LRP1B: variants seen among roughly 807,000 people sequenced by gnomAD.
LRP1B encodes LDL receptor related protein 1B.
LRP1B carries 217 observed loss-of-function variants against 556.6 expected under a neutral mutation model. The ratio of observed to expected loss-of-function variants is 0.39; its 90% CI spans 0.35 to 0.44. The LOEUF (loss-of-function observed/expected upper bound fraction) is 0.44, where lower values mean the gene tolerates loss of function less well. Ranked by LOEUF, LRP1B falls within the 20% of genes least tolerant of loss-of-function variation. LRP1B has a pLI of 1.00. For missense variants in LRP1B, 5,053 were observed against 5,620.8 expected, an observed-to-expected ratio of 0.90 and a Z score of 3.23; for synonymous variants, 2,047 against 1,865.8, an observed-to-expected ratio of 1.10 and a Z score of -2.50.
intron 31 of LRP1B, among the ~76,000 whole-genome samples, chr2:140,821,685 A>C (rs1332578617): frequency 6.6e-6 from 1 of 152,236 alleles, no homozygotes; most frequent in Non-Finnish European, 1.5e-5. Flanking sequence ...GTAGATTTCA[A>C]GAAGATGTAC....
chr2:140,951,852 G>GT lies in LRP1B; in HGVS notation c.2968+7dup. The GT allele has an allele frequency of 6.2e-7, 1 of 1,609,494 alleles. No homozygotes were observed. The highest frequency in any genetic ancestry group is 1.1e-5 in the South Asian group (1 of 90,988). ...ATTAGTGCTATACAGTGAGCATTTG[G>GT]TACTTGCCAGAGTCGCAGTGCCATT... is the stretch of plus-strand genomic sequence containing the variant. On this transcript the variant is annotated splice_region_variant and intron_variant, in intron 19 of 90. Transcript: ENST00000389484.
At chr2:140,662,168 C>A (rs539323408) in intron 41 of LRP1B, among the ~76,000 whole-genome samples, 4 of 151,688 alleles carry the variant, frequency 2.6e-5, no homozygotes, top group Non-Finnish European at 1.5e-5. Context: ...TATATTACTA[C>A]ATATATATAT....
chr2:140,809,124 CAGA>C (rs1690828456), intron 32 of LRP1B, among the ~76,000 whole-genome samples: 1 of 152,006 alleles, frequency 6.6e-6, no homozygotes, highest in Non-Finnish European at 1.5e-5. Flanking sequence ...GAAGCAACAA[CAGA>C]AGGTTATTGT....
chr2:141,784,845 T>C (rs10188711), intron 2 of LRP1B, among the ~76,000 whole-genome samples: 20,125 of 152,010 alleles, frequency 0.13, 1,457 homozygotes, highest in Non-Finnish European at 0.16. Flanking sequence ...AGTCAATGTT[T>C]TCTTAATTCT....
intron 3 of LRP1B, among the ~76,000 whole-genome samples, chr2:141,405,093 C>CA (rs1455680657): frequency 1.3e-5 from 2 of 150,606 alleles, no homozygotes; most frequent in Non-Finnish European, 3.0e-5. Context: ...GACTCCGTCT[C>CA]AAAAAAACAA....
intron 2 of LRP1B, among the ~76,000 whole-genome samples, chr2:141,726,906 A>C (rs901430798): frequency 2.0e-5 from 3 of 152,150 alleles, no homozygotes; most frequent in Admixed American, 6.6e-5. Context: ...AAGGATGAGC[A>C]GGTATTTGGT....
chr2:141,316,046 T>C (rs1687025480), intron 3 of LRP1B, among the ~76,000 whole-genome samples: 2 of 151,950 alleles, frequency 1.3e-5, no homozygotes, highest in African/African-American at 4.8e-5. Flanking sequence ...TATTCTACCA[T>C]TTTTGTTTCT....
intron 1 of LRP1B, among the ~76,000 whole-genome samples, chr2:142,085,592 TTA>T (rs1427745848): frequency 1.3e-5 from 2 of 152,320 alleles, no homozygotes; most frequent in African/African-American, 4.8e-5. Context: ...ATTTCCATTA[TTA>T]TATCTTATTA....
At chr2:140,643,032 A>C (rs1684358603) in intron 41 of LRP1B, among the ~76,000 whole-genome samples, 1 of 151,476 alleles carries the variant, frequency 6.6e-6, no homozygotes. Context: ...CATGTGTTTT[A>C]TATGATGTAA....
In LRP1B at chr2:141,301,430, A is replaced by T. The variant is rs80249751; in HGVS notation, c.344-46789T>A. ...ATAATGTCAATATATTCTATTGTTTAGTGTGGAAAACTAGCCTTAGCCTCC... is the reference window on the plus strand; with the variant it reads ...ATAATGTCAATATATTCTATTGTTTTGTGTGGAAAACTAGCCTTAGCCTCC... On this transcript the variant is annotated intron_variant, in intron 3 of 90. Transcript: ENST00000389484. Among the ~76,000 whole-genome samples the T allele has an allele frequency of 9.2e-3, 1,406 of 152,296 alleles. 16 individuals carry two copies. The highest frequency in any genetic ancestry group is 0.039 in the East Asian group (200 of 5,176).
chr2:140,988,846 AT>A (rs942811414), intron 17 of LRP1B, among the ~76,000 whole-genome samples: 11 of 152,018 alleles, frequency 7.2e-5, no homozygotes, highest in East Asian at 5.8e-4. Flanking sequence ...CAAATGAACT[AT>A]TTTTTTCTTT....
intron 2 of LRP1B, among the ~76,000 whole-genome samples, chr2:141,620,541 G>C (rs561615848): frequency 1.1e-3 from 171 of 152,306 alleles, no homozygotes; most frequent in Non-Finnish European, 2.2e-3. Flanking sequence ...TTGGATATGA[G>C]AAGGAAATGA....
chr2:140,325,371 T>C (rs1388303119), intron 80 of LRP1B, among the ~76,000 whole-genome samples: 1 of 152,090 alleles, frequency 6.6e-6, no homozygotes, highest in East Asian at 1.9e-4. Context: ...TAACAATCAT[T>C]ACTGTGATAT....
At chr2:141,776,395 C>T (rs1244500047) in intron 2 of LRP1B, among the ~76,000 whole-genome samples, 3 of 152,168 alleles carry the variant, frequency 2.0e-5, no homozygotes, top group African/African-American at 7.2e-5. Flanking sequence ...CTAAGTGCTG[C>T]GACACTCAGA....
rs538637540 is a variant in LRP1B, at chr2:141,125,996, TTGGCTGAGCCCTCTCAATTGATAGC to T, written c.1013+62400_1013+62424del. Reference sequence around the variant, plus strand: ...CTGGCTCACCCTTGAGGACATGGGCTTGGCTGAGCCCTCTCAATTGATAGCTACTTTCTTCCTTTTATTTTTTTTT... The same window carrying T: ...CTGGCTCACCCTTGAGGACATGGGCTTACTTTCTTCCTTTTATTTTTTTTT... On this transcript the variant is annotated intron_variant, in intron 7 of 90. Coordinates refer to ENST00000389484, the MANE Select transcript of LRP1B (RefSeq NM_018557.3). 4.9e-4 allele frequency among the ~76,000 whole-genome samples: 74 copies of T among 152,128 alleles called. 1 individual carries two copies. The highest frequency in any genetic ancestry group is 8.5e-4 in the Non-Finnish European group (58 of 67,978).
intron 1 of LRP1B, among the ~76,000 whole-genome samples, chr2:142,047,075 T>G (rs1189306133): frequency 6.6e-6 from 1 of 151,984 alleles, no homozygotes; most frequent in Non-Finnish European, 1.5e-5. Context: ...AATATCAAGC[T>G]TTGTATGGAG....
intron 3 of LRP1B, among the ~76,000 whole-genome samples, chr2:141,264,103 G>A (rs1194719430): frequency 6.6e-6 from 1 of 152,098 alleles, no homozygotes; most frequent in Non-Finnish European, 1.5e-5. Flanking sequence ...GCATTAAGGG[G>A]CTTTAACAAA....
chr2:140,748,226 C>A lies in LRP1B; in HGVS notation c.5758+20987G>T, dbSNP rs1259503340. 1.4e-4 allele frequency among the ~76,000 whole-genome samples: 18 copies of A among 128,870 alleles called. No individual in the cohort carries two copies. The Admixed American group carries it at 1.5e-3, about 10-fold the overall frequency. 84.5% of individuals were successfully genotyped at this position (128,870 alleles called of 152,430 possible). A position where few individuals can be genotyped will look rare whatever the true frequency, so the allele number is the denominator to read the frequency against. ...ATATTATATTCTTATATATAAAAGT[C>A]AAATATCCATAAATATATATTCATA... On this transcript the variant is annotated intron_variant, in intron 35 of 90. Transcript: ENST00000389484.
intron 35 of LRP1B, among the ~76,000 whole-genome samples, chr2:140,742,748 C>T (rs1327606050): frequency 6.6e-6 from 1 of 151,818 alleles, no homozygotes; most frequent in Admixed American, 6.6e-5. Context: ...TTGCCACTGG[C>T]AGTATTAGAG....
Sources: gnomAD v4.1 joint callset for allele counts (sites outside exome capture counted in the v4.1 genomes callset) on GRCh38, gnomAD v4.1.1 for gene constraint, MANE v1.5 for transcripts, NCBI Gene and HGNC (gene_info 2026-07-23, HGNC 2026-07-21) for gene names.